Variants in MAGI1 observed in about 807,000 individuals in gnomAD.
The protein encoded by MAGI1 is membrane associated guanylate kinase, WW and PDZ domain containing 1.
Under a neutral mutation model 139.9 loss-of-function variants are expected in MAGI1, and 58 were observed. The ratio of observed to expected loss-of-function variants is 0.41; its 90% CI spans 0.34 to 0.52. MAGI1 has a LOEUF of 0.52. Ranked by LOEUF, MAGI1 falls within the 20% of genes least tolerant of loss-of-function variation. MAGI1 has a pLI of 0.12. For missense variants in MAGI1, 1,874 were observed against 1,901.6 expected, an observed-to-expected ratio of 0.99 and a Z score of 0.27; for synonymous variants, 812 against 737.9, an observed-to-expected ratio of 1.10 and a Z score of -1.63.
chr3:65,456,944 C>T (rs1047562138), intron 5 of MAGI1, among the ~76,000 whole-genome samples: 2 of 152,126 alleles, frequency 1.3e-5, no homozygotes. Context: ...AATAAAGTCA[C>T]AATATGTAAA....
chr3:65,701,542 C>T (rs1481721432), intron 1 of MAGI1, among the ~76,000 whole-genome samples: 2 of 152,138 alleles, frequency 1.3e-5, no homozygotes, highest in South Asian at 2.1e-4. Context: ...CGTGAGTCAC[C>T]GCGCCCAGTC....
intron 1 of MAGI1, among the ~76,000 whole-genome samples, chr3:65,998,105 G>GA (rs374034371): frequency 0.097 from 11,906 of 122,258 alleles, 596 homozygotes; most frequent in South Asian, 0.13. Context: ...TCTGTCTCGG[G>GA]AAAAAAAAAA....
chr3:65,576,388 C>G (rs1031043725), intron 2 of MAGI1, among the ~76,000 whole-genome samples: 2 of 152,102 alleles, frequency 1.3e-5, no homozygotes, highest in African/African-American at 4.8e-5. Flanking sequence ...GTCAATCCTA[C>G]GTAGACAATG....
At chr3:65,991,493 C>T (rs1227562123) in intron 1 of MAGI1, among the ~76,000 whole-genome samples, 1 of 152,080 alleles carries the variant, frequency 6.6e-6, no homozygotes, top group Admixed American at 6.6e-5. Context: ...ACCTAGGTGA[C>T]AGAACCAGAC....
chr3:65,715,016 G>A (rs2032048526), intron 1 of MAGI1, among the ~76,000 whole-genome samples: 1 of 152,048 alleles, frequency 6.6e-6, no homozygotes, highest in South Asian at 2.1e-4. Context: ...TGGGTGGGAT[G>A]GGGAGAGGGG....
At chr3:65,366,503 C>T (rs182735361) in intron 18 of MAGI1, among the ~76,000 whole-genome samples, 164 of 152,264 alleles carry the variant, frequency 1.1e-3, no homozygotes, top group Non-Finnish European at 1.9e-3. Context: ...TGTGACCGTC[C>T]AAGCTGGGGA....
At chr3:65,509,936 C>CCAGCACG in intron 2 of MAGI1, among the ~76,000 whole-genome samples, 1 of 152,136 alleles carries the variant, frequency 6.6e-6, no homozygotes, top group Non-Finnish European at 1.5e-5. Flanking sequence ...AGTGGTTCTC[C>CCAGCACG]CAGCACGCAG....
chr3:65,595,633 T>C (rs1197556285), intron 2 of MAGI1, among the ~76,000 whole-genome samples: 1 of 152,086 alleles, frequency 6.6e-6, no homozygotes. Context: ...TTAAGAGCCA[T>C]AATTGAGTAA....
intron 1 of MAGI1, among the ~76,000 whole-genome samples, chr3:65,952,763 A>G (rs2063928618): frequency 6.6e-6 from 1 of 152,194 alleles, no homozygotes; most frequent in Admixed American, 6.5e-5. Flanking sequence ...GCAGTGAGCC[A>G]AGATCATGCC....
chr3:65,456,850 A>T (rs1949425028), intron 5 of MAGI1, among the ~76,000 whole-genome samples: 1 of 152,200 alleles, frequency 6.6e-6, no homozygotes, highest in Non-Finnish European at 1.5e-5. Flanking sequence ...TTATGGATCT[A>T]TCTCTGGTTC....
At chr3:65,514,394 T>A (rs2077752926) in intron 2 of MAGI1, among the ~76,000 whole-genome samples, 1 of 80,042 alleles carries the variant, frequency 1.2e-5, no homozygotes, top group Non-Finnish European at 2.6e-5. Flanking sequence ...GGAGAAAATT[T>A]TTGCAACCTA....
chr3:65,702,002 T>A (rs148024885), intron 1 of MAGI1, among the ~76,000 whole-genome samples: 1 of 152,308 alleles, frequency 6.6e-6, no homozygotes, highest in East Asian at 1.9e-4. Flanking sequence ...TTTATTTATT[T>A]ATTTTTTTTG....
At chr3:65,901,395 A>T (rs1003146547) in intron 1 of MAGI1, among the ~76,000 whole-genome samples, 1 of 152,162 alleles carries the variant, frequency 6.6e-6, no homozygotes, top group Admixed American at 6.6e-5. Flanking sequence ...TTGGCTGGAG[A>T]TATGAGCGTT....
intron 1 of MAGI1, among the ~76,000 whole-genome samples, chr3:66,031,742 T>C (rs1296633849): frequency 2.0e-5 from 3 of 151,460 alleles, no homozygotes; most frequent in African/African-American, 7.3e-5. Flanking sequence ...AGGGCTAAAA[T>C]TGGATTGTGT....
At chr3:65,968,153 T>C (rs940544433) in intron 1 of MAGI1, among the ~76,000 whole-genome samples, 35 of 152,202 alleles carry the variant, frequency 2.3e-4, no homozygotes, top group African/African-American at 8.4e-4. Context: ...CATGTTCTTA[T>C]ACAGTTGGCA....
intron 1 of MAGI1, among the ~76,000 whole-genome samples, chr3:65,882,733 G>T (rs1471942738): frequency 6.6e-6 from 1 of 152,086 alleles, no homozygotes; most frequent in Non-Finnish European, 1.5e-5. Context: ...AGGTGATCAA[G>T]ATCAGCCTGG....
chr3:65,597,927 G>GGA (rs1292248651), intron 2 of MAGI1: 2 of 136,294 alleles, frequency 1.5e-5, no homozygotes, highest in African/African-American at 9.5e-5. Context: ...GGCGGGGGTG[G>GGA]GGGGGGGGTG....
intron 2 of MAGI1, among the ~76,000 whole-genome samples, chr3:65,584,209 G>C (rs2081569545): frequency 6.6e-6 from 1 of 151,860 alleles, no homozygotes; most frequent in African/African-American, 2.4e-5. Flanking sequence ...TCTGACAGCT[G>C]ACTCAGCAGA....
At chr3:65,479,515 T>G (rs1951117913) in intron 3 of MAGI1, among the ~76,000 whole-genome samples, 1 of 152,170 alleles carries the variant, frequency 6.6e-6, no homozygotes, top group South Asian at 2.1e-4. Flanking sequence ...AAATAGATTT[T>G]TACATTTTAA....
Sources: allele counts gnomAD v4.1 joint callset (sites outside exome capture counted in the v4.1 genomes callset), GRCh38; gene constraint gnomAD v4.1.1; transcripts MANE v1.5; gene names NCBI Gene and HGNC (gene_info 2026-07-23, HGNC 2026-07-21).